Variants in PIP4K2A observed in about 807,000 individuals in gnomAD.
PIP4K2A encodes the protein phosphatidylinositol-5-phosphate 4-kinase type 2 alpha, also known as phosphatidylinositol 5-phosphate 4-kinase type-2 alpha.
Under a neutral mutation model 42.9 loss-of-function variants are expected in PIP4K2A, and 14 were observed. The ratio of observed to expected loss-of-function variants is 0.33; its 90% CI spans 0.22 to 0.51. The LOEUF is 0.51. Ranked by LOEUF, PIP4K2A falls within the 20% of genes least tolerant of loss-of-function variation. PIP4K2A has a pLI of 0.97. For synonymous variants in PIP4K2A, 192 were observed against 192.2 expected, an observed-to-expected ratio of 1.00 and a Z score of 0.01; for missense variants, 434 against 519.8, an observed-to-expected ratio of 0.83 and a Z score of 1.61.
intron 4 of PIP4K2A, among the ~76,000 whole-genome samples, chr10:22,581,729 C>T (rs1285401555): frequency 6.6e-6 from 1 of 152,116 alleles, no homozygotes; most frequent in Admixed American, 6.5e-5. Flanking sequence ...AGAAACTTTC[C>T]TATTTTTGCT....
At position 22,546,316 on chromosome 10, in the gene PIP4K2A, A is replaced by T. The variant is rs370363004; in HGVS notation, c.793-4269T>A. On this transcript the variant is annotated intron_variant, in intron 7 of 9. Transcript: ENST00000376573. Reference sequence around the variant, plus strand: ...TGATTATGGTAGAAGTCTTTTTTTAATATCAAGATTTCAATTTAAACAGGT... The same window carrying T: ...TGATTATGGTAGAAGTCTTTTTTTATTATCAAGATTTCAATTTAAACAGGT... Among the ~76,000 whole-genome samples the T allele has an allele frequency of 1.8e-4, 28 of 152,346 alleles. No individual in the cohort carries two copies. In the East Asian group the frequency reaches 2.9e-3, roughly 16 times the overall value.
At chr10:22,686,404 T>G (rs1228358908) in intron 1 of PIP4K2A, among the ~76,000 whole-genome samples, 2 of 152,178 alleles carry the variant, frequency 1.3e-5, no homozygotes, top group African/African-American at 2.4e-5. Flanking sequence ...AGACTTTTCT[T>G]CCTGTTAGTT....
chr10:22,544,606 C>T (rs1836215140), intron 7 of PIP4K2A, among the ~76,000 whole-genome samples: 1 of 152,190 alleles, frequency 6.6e-6, no homozygotes, highest in Non-Finnish European at 1.5e-5. Flanking sequence ...TTGGAAGGTC[C>T]CTGTGAAGTG....
chr10:22,561,462 G>A (rs1214311615), intron 6 of PIP4K2A, among the ~76,000 whole-genome samples: 1 of 150,522 alleles, frequency 6.6e-6, no homozygotes, highest in Non-Finnish European at 1.5e-5. Flanking sequence ...CAAGTTAAAA[G>A]TATGGAAAAC....
chr10:22,696,634 A>G (rs1839978701), intron 1 of PIP4K2A, among the ~76,000 whole-genome samples: 1 of 152,168 alleles, frequency 6.6e-6, no homozygotes, highest in South Asian at 2.1e-4. Flanking sequence ...CATAATTTTT[A>G]AAGTTCTTAT....
chr10:22,541,929 C>A lies in PIP4K2A; in HGVS notation c.911G>T (p.Ser304Ile). 1 of 1,614,114 alleles carries A rather than the reference C, an allele frequency of 6.2e-7. No individual in the cohort carries two copies. The highest frequency in any genetic ancestry group is 1.7e-5 in the Admixed American group (1 of 60,022). The change falls in exon 8 of 10, where the codon AGC (serine) becomes ATC (isoleucine). Residue 304 changes from serine (S) to isoleucine (I), a missense_variant. This residue lies in a region of PIP4K2A where 395 missense variants were observed against 444.5 expected (regional missense o/e 0.89). Coordinates refer to ENST00000376573, the MANE Select transcript of PIP4K2A (RefSeq NM_005028.5). ...EENDGEEEGESDGTHPVGTPP... is the reference protein window; with the variant it reads ...EENDGEEEGEIDGTHPVGTPP... The stretch of plus-strand genomic sequence containing the variant: ...GGTTCCCACCGGGTGGGTGCCATCG[C>A]TCTCGCCCTCCTCCTCCCCATCGTT...
intron 7 of PIP4K2A, among the ~76,000 whole-genome samples, chr10:22,546,808 A>G (rs1326315064): frequency 6.6e-6 from 1 of 152,162 alleles, no homozygotes; most frequent in Non-Finnish European, 1.5e-5. Context: ...ATGGAAAGAG[A>G]AGACAGAAAG....
At chr10:22,606,489 T>C (rs1347641452) in intron 3 of PIP4K2A, among the ~76,000 whole-genome samples, 1 of 152,156 alleles carries the variant, frequency 6.6e-6, no homozygotes, top group Non-Finnish European at 1.5e-5. Context: ...CATGAGACAA[T>C]GTCACCGGCA....
chr10:22,692,367 C>T lies in PIP4K2A; in HGVS notation c.144+21816G>A, dbSNP rs548660732. On this transcript the variant is annotated intron_variant, in intron 1 of 9. Coordinates refer to ENST00000376573, the MANE Select transcript of PIP4K2A (RefSeq NM_005028.5). ...ACAGATGAAGCTTTGATCCTTTGCC[C>T]GCTGCTCACCTCCTGCTGTGTGGCC... 1.7e-3 allele frequency among the ~76,000 whole-genome samples: 261 copies of T among 152,112 alleles called. 2 individuals are homozygous for T. The highest frequency in any genetic ancestry group is 6.0e-3 in the African/African-American group (249 of 41,482).
At chr10:22,633,869 G>A (rs531595006) in intron 1 of PIP4K2A, among the ~76,000 whole-genome samples, 89 of 152,240 alleles carry the variant, frequency 5.8e-4, no homozygotes, top group Non-Finnish European at 1.0e-3. Flanking sequence ...AGTGAGTGTC[G>A]GCTTCTCAAG....
chr10:22,634,639 T>G (rs1838622764), intron 1 of PIP4K2A, among the ~76,000 whole-genome samples: 1 of 152,222 alleles, frequency 6.6e-6, no homozygotes, highest in Non-Finnish European at 1.5e-5. Flanking sequence ...TGCACTTATG[T>G]ATTCCTGTCC....
chr10:22,538,300 T>C (rs914706629), intron 9 of PIP4K2A, among the ~76,000 whole-genome samples: 10 of 152,194 alleles, frequency 6.6e-5, no homozygotes, highest in African/African-American at 2.4e-4. Flanking sequence ...TGGCACACTA[T>C]GGAGGCGAAC....
intron 1 of PIP4K2A, among the ~76,000 whole-genome samples, chr10:22,688,633 C>G (rs1839804783): frequency 6.6e-6 from 1 of 151,878 alleles, no homozygotes; most frequent in African/African-American, 2.4e-5. Context: ...TTTTATTTTT[C>G]ATAGAGATGG....
chr10:22,591,704 G>A lies in PIP4K2A; in HGVS notation c.417C>T (p.Asp139=), dbSNP rs754755448. ...RSGARFHTSY[D]KRYIIKTITS... is the part of the protein sequence containing the mutation. ...TAATAGTCTTGATGATGTATCTTTTGTCGTAGGAAGTGTGAAAACGAGCTC... is the reference window on the plus strand; with the variant it reads ...TAATAGTCTTGATGATGTATCTTTTATCGTAGGAAGTGTGAAAACGAGCTC... The change falls in exon 4 of 10, where the codon GAC becomes GAT. Residue 139 remains aspartate (D), a synonymous_variant. Coordinates refer to ENST00000376573, the MANE Select transcript of PIP4K2A (RefSeq NM_005028.5). 1 of 1,613,564 alleles carries A rather than the reference G, an allele frequency of 6.2e-7. No individual in the cohort carries two copies. Among genetic ancestry groups the A allele is most frequent in the African/African-American group, 1.3e-5 (1 of 74,926 alleles).
chr10:22,661,326 C>T (rs960953823), intron 1 of PIP4K2A, among the ~76,000 whole-genome samples: 5 of 148,748 alleles, frequency 3.4e-5, no homozygotes, highest in African/African-American at 1.2e-4. Context: ...CTAGTCTATA[C>T]CTATCTGTGA....
intron 1 of PIP4K2A, among the ~76,000 whole-genome samples, chr10:22,646,625 G>T (rs77012628): frequency 0.014 from 2,207 of 152,268 alleles, 53 homozygotes; most frequent in African/African-American, 0.05. Flanking sequence ...GGCTAATTTG[G>T]TTATCAGAGA....
At chr10:22,539,897 GA>G (rs1836051221) in intron 9 of PIP4K2A, 73 bp downstream of exon 9, 4 of 684,294 alleles carry the variant, frequency 5.8e-6, no homozygotes, top group East Asian at 2.8e-5. Flanking sequence ...GAGAGAGAGA[GA>G]GAGAGAGAGA....
intron 1 of PIP4K2A, among the ~76,000 whole-genome samples, chr10:22,673,408 G>C (rs1839493230): frequency 6.6e-6 from 1 of 152,188 alleles, no homozygotes; most frequent in Non-Finnish European, 1.5e-5. Context: ...GACCACAACA[G>C]TCAAAGGTAG....
At chr10:22,656,692 G>A (rs1312171611) in intron 1 of PIP4K2A, among the ~76,000 whole-genome samples, 1 of 151,860 alleles carries the variant, frequency 6.6e-6, no homozygotes, top group Non-Finnish European at 1.5e-5. Flanking sequence ...AGCTATTCAG[G>A]AGGCTGAGGC....
Sources: allele counts gnomAD v4.1 joint callset (sites outside exome capture counted in the v4.1 genomes callset), GRCh38; gene constraint gnomAD v4.1.1; regional missense constraint gnomAD v4.1.1; transcripts MANE v1.5; gene names NCBI Gene and HGNC (gene_info 2026-07-23, HGNC 2026-07-21).